OPCML: variants seen among roughly 807,000 people sequenced by gnomAD.
The protein encoded by OPCML is opioid-binding protein/cell adhesion molecule.
Under a neutral mutation model 37.8 loss-of-function variants are expected in OPCML, and 13 were observed. That is an observed-to-expected ratio of 0.34 (90% CI 0.22 to 0.55). OPCML has a LOEUF of 0.55. OPCML is among the 20% of genes least tolerant of loss of function. The pLI is 0.91. For missense variants in OPCML, 341 were observed against 435.6 expected (o/e 0.78, Z 1.93); for synonymous variants, 176 against 168.8 (o/e 1.04, Z -0.33).
At chr11:133,350,398 T>C (rs1209376508) in intron 1 of OPCML, among the ~76,000 whole-genome samples, 1 of 152,204 alleles carries the variant, frequency 6.6e-6, no homozygotes, top group East Asian at 1.9e-4. Context: ...TAATGGAGAA[T>C]CATCCAGACT....
Position 132,956,851 on chromosome 11 carries a change from C to T in OPCML, c.62-13841G>A, listed in dbSNP as rs370273714. On this transcript the variant is annotated intron_variant, in intron 1 of 7. Transcript: ENST00000524381. ...AGAGTCAGGGAAAAATAAAACAAGG[C>T]CAGGCATGGTGGCTCACAGCTATAA... Among the ~76,000 whole-genome samples the T allele has an allele frequency of 1.2e-4, 19 of 152,256 alleles. No individual in the cohort carries two copies. In the South Asian group the frequency reaches 3.9e-3, roughly 32 times the overall value.
At chr11:132,555,634 T>G (rs1169047029) in intron 3 of OPCML, among the ~76,000 whole-genome samples, 1 of 152,154 alleles carries the variant, frequency 6.6e-6, no homozygotes, top group Non-Finnish European at 1.5e-5. Flanking sequence ...GTCTCTGGAA[T>G]GGCTTGACAA....
chr11:132,719,208 G>A (rs999894816), intron 2 of OPCML, among the ~76,000 whole-genome samples: 2 of 152,222 alleles, frequency 1.3e-5, no homozygotes, highest in South Asian at 4.1e-4. Context: ...GTCAGGACAG[G>A]TGGCCTTCCG....
At chr11:132,701,223 T>C (rs114819913) in intron 2 of OPCML, among the ~76,000 whole-genome samples, 205 of 152,288 alleles carry the variant, frequency 1.3e-3, no homozygotes, top group African/African-American at 4.8e-3. Context: ...AGAGAGCTAG[T>C]GCAGGAGAAC....
chr11:133,141,101 A>AAGAAGAAGAAGC lies in OPCML; in HGVS notation c.62-198092_62-198091insGCTTCTTCTTCT, dbSNP rs1565469400. Among the ~76,000 whole-genome samples the AAGAAGAAGAAGC allele has an allele frequency of 2.6e-4, 36 of 139,812 alleles. 6 individuals carry two copies. The highest frequency in any genetic ancestry group is 8.2e-4 in the African/African-American group (32 of 38,986). The allele number at this position is 139,812 out of a possible 152,430, so 91.7% of individuals were successfully genotyped here. Reference sequence around the variant, plus strand: ...GAAGAAGAAGAAGAAGAAGGAGAAGAAGAAGCAGCTGAATGCCAAAGTGTG... The same window carrying AAGAAGAAGAAGC: ...GAAGAAGAAGAAGAAGAAGGAGAAGAAGAAGAAGAAGCAGAAGCAGCTGAATGCCAAAGTGTG... On this transcript the variant is annotated intron_variant, in intron 1 of 7. Transcript: ENST00000524381.
At chr11:133,111,997 C>T (rs560837742) in intron 1 of OPCML, among the ~76,000 whole-genome samples, 3 of 152,082 alleles carry the variant, frequency 2.0e-5, no homozygotes, top group Non-Finnish European at 4.4e-5. Context: ...TATGGATCTA[C>T]AGACACTGGA....
At chr11:133,010,301 T>C (rs747827679) in intron 1 of OPCML, among the ~76,000 whole-genome samples, 3 of 152,216 alleles carry the variant, frequency 2.0e-5, no homozygotes, top group Non-Finnish European at 4.4e-5. Context: ...TAGCAGAATG[T>C]TTGCTATACA....
intron 1 of OPCML, among the ~76,000 whole-genome samples, chr11:133,102,290 T>C (rs917043274): frequency 6.6e-6 from 1 of 152,192 alleles, no homozygotes. Flanking sequence ...TGCAGCAGAT[T>C]TGCAGCATGA....
intron 1 of OPCML, among the ~76,000 whole-genome samples, chr11:132,974,214 T>C (rs1057375697): frequency 2.6e-5 from 4 of 152,154 alleles, no homozygotes; most frequent in African/African-American, 9.7e-5. Flanking sequence ...ATAAACTAAA[T>C]TAACTTTTTA....
intron 2 of OPCML, among the ~76,000 whole-genome samples, chr11:132,930,209 C>T (rs941842102): frequency 1.3e-5 from 2 of 151,944 alleles, no homozygotes; most frequent in Non-Finnish European, 2.9e-5. Context: ...ACAAAAAATA[C>T]AAAAATTAGC....
At chr11:132,492,243 A>T (rs1328853051) in intron 4 of OPCML, among the ~76,000 whole-genome samples, 2 of 151,926 alleles carry the variant, frequency 1.3e-5, no homozygotes, top group Non-Finnish European at 2.9e-5. Context: ...GAGGGCTTGG[A>T]GCAAAAGGTG....
chr11:132,664,888 C>T (rs1448225936), intron 2 of OPCML, among the ~76,000 whole-genome samples: 1 of 152,176 alleles, frequency 6.6e-6, no homozygotes, highest in Non-Finnish European at 1.5e-5. Flanking sequence ...ATCTGAAAGC[C>T]TCTGCAGAAA....
At chr11:132,433,161 T>TGC (rs1288139576) in intron 7 of OPCML, among the ~76,000 whole-genome samples, 1 of 152,126 alleles carries the variant, frequency 6.6e-6, no homozygotes, top group Non-Finnish European at 1.5e-5. Context: ...GAAGTCCAGT[T>TGC]GAGCAGTGAC....
chr11:133,288,855 G>C (rs887990320), intron 1 of OPCML, among the ~76,000 whole-genome samples: 12 of 152,138 alleles, frequency 7.9e-5, no homozygotes, highest in African/African-American at 2.7e-4. Context: ...AAGGCTCATG[G>C]TAATTAAGAG....
intron 1 of OPCML, among the ~76,000 whole-genome samples, chr11:133,214,192 A>C (rs1939492052): frequency 6.6e-6 from 1 of 152,216 alleles, no homozygotes; most frequent in African/African-American, 2.4e-5. Context: ...CCAAAGGATC[A>C]AATGAACTGT....
At chr11:132,893,702 G>A (rs954352847) in intron 2 of OPCML, among the ~76,000 whole-genome samples, 1 of 152,262 alleles carries the variant, frequency 6.6e-6, no homozygotes, top group Non-Finnish European at 1.5e-5. Context: ...CTCTTTGCAA[G>A]TATTGCCAGT....
chr11:132,687,403 T>C (rs1156551959), intron 2 of OPCML, among the ~76,000 whole-genome samples: 38 of 95,274 alleles, frequency 4.0e-4, no homozygotes, highest in African/African-American at 1.9e-3. Context: ...TATATATATA[T>C]ATATATATAT....
At chr11:132,788,997 T>C (rs932483057) in intron 2 of OPCML, among the ~76,000 whole-genome samples, 2 of 152,208 alleles carry the variant, frequency 1.3e-5, no homozygotes, top group African/African-American at 2.4e-5. Flanking sequence ...TCAGACTTTC[T>C]TTCCTTTGTA....
At chr11:132,687,397 T>C (rs1421583899) in intron 2 of OPCML, among the ~76,000 whole-genome samples, 39 of 87,328 alleles carry the variant, frequency 4.5e-4, no homozygotes, top group African/African-American at 2.6e-3. Flanking sequence ...TATATATATA[T>C]ATATATATAT....
Sources: gnomAD v4.1 joint callset for allele counts (sites outside exome capture counted in the v4.1 genomes callset) on GRCh38, gnomAD v4.1.1 for gene constraint, MANE v1.5 for transcripts, NCBI Gene and HGNC (gene_info 2026-07-23, HGNC 2026-07-21) for gene names.